The following FARP1 variants were observed in gnomAD, a reference collection of about 807,000 sequenced individuals.
The protein encoded by FARP1 is FERM, ARHGEF and pleckstrin domain-containing protein 1.
In FARP1, 52 loss-of-function variants were observed where a neutral mutation model predicts 128.8. The ratio of observed to expected loss-of-function variants is 0.40; its 90% CI spans 0.32 to 0.51. FARP1 has a LOEUF of 0.51. Among genes scored for constraint, FARP1 ranks in the 20% least tolerant of loss-of-function variants. FARP1 has a pLI of 0.45. For synonymous variants in FARP1, 580 were observed against 551.8 expected (o/e 1.05, Z -0.72); for missense variants, 1,333 against 1,367.9 (o/e 0.97, Z 0.40).
At chr13:98,273,711 CT>C (rs1478846757) in intron 2 of FARP1, among the ~76,000 whole-genome samples, 1 of 152,192 alleles carries the variant, frequency 6.6e-6, no homozygotes, top group Non-Finnish European at 1.5e-5. Flanking sequence ...GATAACATAG[CT>C]CGTGTGAAGC....
In FARP1 at chr13:98,237,866, C is replaced by T. The variant is rs372523873; in HGVS notation, c.171+24453C>T. ...AAGAAAGAAAAATTAGTCAAGTGGTCGCTATGGCTACATCAGCAGGTCTGA... is the reference window on the plus strand; with the variant it reads ...AAGAAAGAAAAATTAGTCAAGTGGTTGCTATGGCTACATCAGCAGGTCTGA... On this transcript the variant is annotated intron_variant, in intron 2 of 26. Coordinates refer to ENST00000319562, the MANE Select transcript of FARP1 (RefSeq NM_005766.4). 2.2e-4 allele frequency among the ~76,000 whole-genome samples: 33 copies of T among 152,154 alleles called. No individual in the cohort carries two copies. In the South Asian group the frequency reaches 6.4e-3, roughly 30 times the overall value.
intron 1 of FARP1, among the ~76,000 whole-genome samples, chr13:98,181,560 A>G (rs993369323): frequency 1.1e-4 from 16 of 151,818 alleles, no homozygotes; most frequent in African/African-American, 3.9e-4. Context: ...AGAAGAAATG[A>G]AAAACCTCAC....
At chr13:98,221,055 G>C (rs1000936184) in intron 2 of FARP1, among the ~76,000 whole-genome samples, 7 of 152,160 alleles carry the variant, frequency 4.6e-5, no homozygotes, top group African/African-American at 1.7e-4. Context: ...CCCTGGGTCT[G>C]GGCCGCCTCG....
In FARP1 at chr13:98,171,221, C is replaced by G. The variant is rs186768075; in HGVS notation, c.-24+27729C>G. Among the ~76,000 whole-genome samples, 277 of 152,310 alleles carry G rather than the reference C, an allele frequency of 1.8e-3. 2 individuals carry two copies. Among genetic ancestry groups the G allele is most frequent in the African/African-American group, 6.3e-3 (260 of 41,556 alleles). On this transcript the variant is annotated intron_variant, in intron 1 of 26. Transcript: ENST00000319562. The stretch of plus-strand genomic sequence containing the variant: ...ACACACACCCTCTTCGTCATTGTGC[C>G]TGGCGTATGTGAGTTTCTAATTTTC...
chr13:98,259,420 G>A (rs1883767176), intron 2 of FARP1, among the ~76,000 whole-genome samples: 1 of 149,370 alleles, frequency 6.7e-6, no homozygotes, highest in African/African-American at 2.6e-5. Flanking sequence ...AATGTCCTTA[G>A]GTGGCTCCCA....
chr13:98,348,046 A>T (rs1160744112), intron 3 of FARP1, among the ~76,000 whole-genome samples: 1 of 152,228 alleles, frequency 6.6e-6, no homozygotes, highest in Non-Finnish European at 1.5e-5. Flanking sequence ...CATAGTAAGG[A>T]TGTGAAGGAG....
chr13:98,165,389 C>T (rs949314991), intron 1 of FARP1, among the ~76,000 whole-genome samples: 20 of 151,926 alleles, frequency 1.3e-4, no homozygotes, highest in African/African-American at 4.4e-4. Context: ...TGTTTTGAGG[C>T]AGATTGTAAC....
chr13:98,197,144 A>G, intron 1 of FARP1, among the ~76,000 whole-genome samples: 1 of 152,148 alleles, frequency 6.6e-6, no homozygotes, highest in Admixed American at 6.6e-5. Flanking sequence ...GCTTTAGGAA[A>G]TGGCTTCCTT....
chr13:98,308,206 C>T (rs1456854665), intron 2 of FARP1, among the ~76,000 whole-genome samples: 2 of 152,022 alleles, frequency 1.3e-5, no homozygotes, highest in Non-Finnish European at 2.9e-5. Context: ...GTGGTTTTTC[C>T]CAAAGGATTG....
chr13:98,315,794 C>A lies in FARP1; in HGVS notation c.172-27968C>A, dbSNP rs75693650. Among the ~76,000 whole-genome samples the A allele has an allele frequency of 3.9e-5, 6 of 152,322 alleles. No homozygotes were observed. In the East Asian group the frequency reaches 1.2e-3, roughly 29 times the overall value. ...CACTGGTGGTTTTCTGAGTCCCAGCCCAGCAGTAAGAGCAGTCGGGCAGTA... is the reference window on the plus strand; with the variant it reads ...CACTGGTGGTTTTCTGAGTCCCAGCACAGCAGTAAGAGCAGTCGGGCAGTA... On this transcript the variant is annotated intron_variant, in intron 2 of 26. Transcript: ENST00000319562.
chr13:98,304,002 T>C (rs1272171511), intron 2 of FARP1, among the ~76,000 whole-genome samples: 2 of 152,198 alleles, frequency 1.3e-5, no homozygotes, highest in Non-Finnish European at 2.9e-5. Flanking sequence ...GCCTCCTTTT[T>C]CCCTGGTGTG....
intron 2 of FARP1, among the ~76,000 whole-genome samples, chr13:98,275,365 GAT>G (rs1491020643): frequency 7.9e-6 from 1 of 126,974 alleles, no homozygotes; most frequent in African/African-American, 2.8e-5. Flanking sequence ...GAGAGAGAGA[GAT>G]AATATTTATA....
chr13:98,297,920 C>T (rs765802398), intron 2 of FARP1, among the ~76,000 whole-genome samples: 2 of 152,202 alleles, frequency 1.3e-5, no homozygotes, highest in Non-Finnish European at 2.9e-5. Flanking sequence ...CCTATCAGAG[C>T]GGGTTTCTGA....
chr13:98,213,908 A>G (rs1301414349), intron 2 of FARP1, among the ~76,000 whole-genome samples: 1 of 152,092 alleles, frequency 6.6e-6, no homozygotes, highest in East Asian at 1.9e-4. Flanking sequence ...TTTTCATGTG[A>G]GGGAATCAGG....
intron 6 of FARP1, among the ~76,000 whole-genome samples, chr13:98,378,622 A>G (rs1889693655): frequency 2.0e-5 from 3 of 152,098 alleles, no homozygotes; most frequent in African/African-American, 7.2e-5. Flanking sequence ...TCCACTGTAT[A>G]TGAATTCGTC....
chr13:98,412,642 A>G (rs1304673017), intron 16 of FARP1, among the ~76,000 whole-genome samples: 3 of 152,268 alleles, frequency 2.0e-5, no homozygotes, highest in Admixed American at 1.3e-4. Flanking sequence ...GTTAAAAATT[A>G]TCTTAAGCCT....
chr13:98,309,968 C>T (rs1489082890), intron 2 of FARP1, among the ~76,000 whole-genome samples: 3 of 152,310 alleles, frequency 2.0e-5, no homozygotes, highest in East Asian at 3.9e-4. Context: ...GTCCTCTCTC[C>T]GACCTCTTCC....
intron 2 of FARP1, among the ~76,000 whole-genome samples, chr13:98,297,296 G>T (rs1481391395): frequency 1.6e-4 from 24 of 152,208 alleles, no homozygotes; most frequent in Admixed American, 1.6e-3. Flanking sequence ...TAACGGAGCT[G>T]CCCATGAACT....
At chr13:98,177,652 A>T (rs74719265) in intron 1 of FARP1, among the ~76,000 whole-genome samples, 3 of 109,390 alleles carry the variant, frequency 2.7e-5, no homozygotes, top group South Asian at 3.3e-4. Context: ...GTCTCAAATT[A>T]AAAAAAAAAA....
Sources: gnomAD v4.1 joint callset for allele counts (sites outside exome capture counted in the v4.1 genomes callset) on GRCh38, gnomAD v4.1.1 for gene constraint, MANE v1.5 for transcripts, NCBI Gene and HGNC (gene_info 2026-07-23, HGNC 2026-07-21) for gene names.